Variants in FNBP1L observed in about 807,000 individuals in gnomAD.
FNBP1L encodes the protein formin binding protein 1 like.
In FNBP1L, 36 loss-of-function variants were observed where a neutral mutation model predicts 91.2. That is an observed-to-expected ratio of 0.39 (90% CI 0.30 to 0.52). The LOEUF (loss-of-function observed/expected upper bound fraction) is 0.52, where lower values mean the gene tolerates loss of function less well. Ranked by LOEUF, FNBP1L falls within the 20% of genes least tolerant of loss-of-function variation. The pLI is 0.66. For missense variants in FNBP1L, 571 were observed against 732.1 expected, an observed-to-expected ratio of 0.78 and a Z score of 2.54; for synonymous variants, 242 against 237.0, an observed-to-expected ratio of 1.02 and a Z score of -0.19.
chr1:93,523,605 A>G (rs369244840), intron 4 of FNBP1L, 114 bp downstream of exon 4: 1 of 983,910 alleles, frequency 1.0e-6, no homozygotes, highest in Non-Finnish European at 1.4e-6. Flanking sequence ...ATTTCACTAC[A>G]TTTCTTCTAG....
At chr1:93,451,422 G>GA (rs1259347799) in intron 1 of FNBP1L, among the ~76,000 whole-genome samples, 5 of 152,004 alleles carry the variant, frequency 3.3e-5, no homozygotes, top group Admixed American at 2.6e-4. Flanking sequence ...GTATAAATAT[G>GA]AAAAAAATAT....
chr1:93,457,942 C>T (rs1314283717), intron 1 of FNBP1L, among the ~76,000 whole-genome samples: 1 of 151,888 alleles, frequency 6.6e-6, no homozygotes, highest in Non-Finnish European at 1.5e-5. Context: ...CAGGCGCCCG[C>T]CACCACGCCT....
chr1:93,546,667 A>G (rs191881335), intron 12 of FNBP1L, among the ~76,000 whole-genome samples, 175 bp from the exon 13 acceptor site: 5 of 152,120 alleles, frequency 3.3e-5, no homozygotes, highest in East Asian at 3.8e-4. Context: ...TAGTAACTCT[A>G]TATGTTATCA....
At chr1:93,537,082 A>T (rs1345125632) in intron 10 of FNBP1L, among the ~76,000 whole-genome samples, 2 of 152,090 alleles carry the variant, frequency 1.3e-5, no homozygotes, top group East Asian at 3.8e-4. Context: ...AATGTTTACT[A>T]AACTGTTGTT....
At chr1:93,505,364 G>T (rs1036384909) in intron 2 of FNBP1L, among the ~76,000 whole-genome samples, 14 of 152,244 alleles carry the variant, frequency 9.2e-5, no homozygotes, top group African/African-American at 3.4e-4. Flanking sequence ...TATAACCTGA[G>T]GCATCCACCC....
chr1:93,542,596 G>A (rs1168125374), intron 11 of FNBP1L, among the ~76,000 whole-genome samples: 1 of 151,772 alleles, frequency 6.6e-6, no homozygotes, highest in Non-Finnish European at 1.5e-5. Context: ...CTCATCCTAG[G>A]AGTGAGTTTT....
chr1:93,502,117 A>C (rs544970653), intron 2 of FNBP1L, among the ~76,000 whole-genome samples: 1 of 152,326 alleles, frequency 6.6e-6, no homozygotes, highest in African/African-American at 2.4e-5. Context: ...GTACAGTAAC[A>C]TGATTTTATT....
chr1:93,504,790 T>C (rs575900732), intron 2 of FNBP1L, among the ~76,000 whole-genome samples: 1 of 152,314 alleles, frequency 6.6e-6, no homozygotes, highest in Admixed American at 6.5e-5. Flanking sequence ...CTTGTTTTTT[T>C]GTTGTAGAGT....
intron 2 of FNBP1L, among the ~76,000 whole-genome samples, chr1:93,503,748 T>A (rs980708874): frequency 6.6e-6 from 1 of 152,220 alleles, no homozygotes; most frequent in African/African-American, 2.4e-5. Context: ...TGCAAAGATA[T>A]GCAACTGAAA....
rs1175842144 is a variant in FNBP1L at position 93,467,325 on chromosome 1, C to G, written c.24+19020C>G. Among the ~76,000 whole-genome samples, 3 of 152,188 alleles carry G rather than the reference C, an allele frequency of 2.0e-5. No individual in the cohort carries two copies. The East Asian group carries it at 5.8e-4, about 29-fold the overall frequency. On this transcript the variant is annotated intron_variant, in intron 1 of 16. Transcript: ENST00000271234. ...TTCAGCCTTGAACGAAATTCTGACA[C>G]ATTCTATAAAACATGGATGACTCTT...
intron 2 of FNBP1L, among the ~76,000 whole-genome samples, chr1:93,506,201 GA>G (rs1256175941): frequency 6.6e-6 from 1 of 151,930 alleles, no homozygotes; most frequent in Admixed American, 6.6e-5. Flanking sequence ...CTAGGTCACA[GA>G]AAAAAATAAG....
chr1:93,494,281 A>T (rs1215006653), intron 1 of FNBP1L, among the ~76,000 whole-genome samples: 1 of 152,210 alleles, frequency 6.6e-6, no homozygotes, highest in Non-Finnish European at 1.5e-5. Flanking sequence ...AAGATTTGGA[A>T]AGACCCAGGG....
chr1:93,480,083 C>G (rs1413662185), intron 1 of FNBP1L, among the ~76,000 whole-genome samples: 5 of 152,158 alleles, frequency 3.3e-5, no homozygotes, highest in African/African-American at 9.7e-5. Flanking sequence ...ATGAAATCTT[C>G]ACAATTTATG....
intron 2 of FNBP1L, among the ~76,000 whole-genome samples, chr1:93,521,618 C>A (rs896172098): frequency 2.0e-5 from 3 of 152,156 alleles, no homozygotes; most frequent in African/African-American, 7.2e-5. Context: ...TTTAGAATGC[C>A]TAATACAGTG....
At chr1:93,522,168 A>T (rs1671351161) in intron 3 of FNBP1L, 33 bp downstream of exon 3, 5 of 1,114,606 alleles carry the variant, frequency 4.5e-6, no homozygotes, top group African/African-American at 3.3e-5. Context: ...AATGCATATT[A>T]AAAAATTTAA....
At chr1:93,474,470 G>A (rs1292688431) in intron 1 of FNBP1L, among the ~76,000 whole-genome samples, 1 of 152,158 alleles carries the variant, frequency 6.6e-6, no homozygotes, top group African/African-American at 2.4e-5. Context: ...AAGCAGGGAA[G>A]ATAAGTATTG....
chr1:93,477,647 A>G (rs1302549318), intron 1 of FNBP1L, among the ~76,000 whole-genome samples: 1 of 152,236 alleles, frequency 6.6e-6, no homozygotes, highest in African/African-American at 2.4e-5. Context: ...TGCTCTAAAG[A>G]TAAATATAAA....
chr1:93,472,956 A>G (rs930189472), intron 1 of FNBP1L, among the ~76,000 whole-genome samples: 2 of 147,892 alleles, frequency 1.4e-5, no homozygotes, highest in Non-Finnish European at 3.0e-5. Flanking sequence ...TAGCTTTTTT[A>G]TAGTATAGAA....
Position 93,523,439 on chromosome 1 carries a change from T to C in FNBP1L, c.290T>C (p.Val97Ala), listed in dbSNP as rs1671396154. ...EVVAEEMAHR[V>A]YGELMRYAHD... is the part of the protein sequence containing the mutation. The stretch of plus-strand genomic sequence containing the variant: ...GTAGCAGAAGAAATGGCGCACAGAG[T>C]GTATGGTGAATTAATGAGATATGCT... The change falls in exon 4 of 17, where the codon GTG becomes GCG. Residue 97 changes from valine (V) to alanine (A), a missense_variant. Transcript: ENST00000271234. 1 of 1,610,084 alleles carries C rather than the reference T, an allele frequency of 6.2e-7. No individual in the cohort carries two copies. The highest frequency in any genetic ancestry group is 8.5e-7 in the Non-Finnish European group (1 of 1,178,102).
Sources: gnomAD v4.1 joint callset for allele counts (sites outside exome capture counted in the v4.1 genomes callset) on GRCh38, gnomAD v4.1.1 for gene constraint, MANE v1.5 for transcripts, NCBI Gene and HGNC (gene_info 2026-07-23, HGNC 2026-07-21) for gene names.